Variants in RAB40A observed in about 807,000 individuals in gnomAD.
RAB40A encodes the protein RAB40A, member RAS oncogene family.
For synonymous variants in RAB40A, 65 were observed against 99.9 expected, an observed-to-expected ratio of 0.65 and a Z score of 2.08; for missense variants, 145 against 230.2, an observed-to-expected ratio of 0.63 and a Z score of 2.40.
chrX:103,512,835 A>G (rs1479014303), intron 2 of RAB40A, among the ~76,000 whole-genome samples: 2 of 112,319 alleles, frequency 1.8e-5, no homozygotes, highest in Non-Finnish European at 3.8e-5. Context: ...CATGCATAAT[A>G]AAATTTTAAG....
chrX:103,518,962 G>A (rs775469049), intron 1 of RAB40A, among the ~76,000 whole-genome samples: 6 of 111,444 alleles, frequency 5.4e-5, no homozygotes, highest in Admixed American at 2.9e-4. Flanking sequence ...ATCCTTAGAC[G>A]CTGCAGAAAA....
chrX:103,503,011 T>C, intron 2 of RAB40A: 9 of 761,631 alleles, frequency 1.2e-5, no homozygotes, highest in Non-Finnish European at 1.4e-5. Flanking sequence ...CAGACATCCA[T>C]ATAAAGAAAG....
intron 2 of RAB40A, among the ~76,000 whole-genome samples, chrX:103,508,043 T>G (rs1337000811): frequency 8.9e-6 from 1 of 112,844 alleles, no homozygotes; most frequent in East Asian, 2.7e-4. Context: ...CAAGTATGTT[T>G]CACAAATCAG....
chrX:103,505,311 A>G (rs1181658355), intron 2 of RAB40A, among the ~76,000 whole-genome samples: 3 of 112,059 alleles, frequency 2.7e-5, no homozygotes, highest in East Asian at 2.8e-4. Context: ...TACTACATAC[A>G]GTTTTGTGCC....
At chrX:103,513,567 G>A (rs181674156) in intron 2 of RAB40A, among the ~76,000 whole-genome samples, 7 of 111,474 alleles carry the variant, frequency 6.3e-5, no homozygotes, top group African/African-American at 9.8e-5. Flanking sequence ...TAAACTAACC[G>A]AGGGATTTGG....
chrX:103,519,126 G>A (rs959570926), intron 1 of RAB40A, among the ~76,000 whole-genome samples: 2 of 111,611 alleles, frequency 1.8e-5, no homozygotes, highest in African/African-American at 3.3e-5. Context: ...TACCACATAT[G>A]AAGTACTTCT....
chrX:103,496,914 C>T (rs145066843), downstream of RAB40A, among the ~76,000 whole-genome samples: 1,774 of 112,053 alleles, frequency 0.016, 38 homozygotes, highest in African/African-American at 0.054. Flanking sequence ...CATTTTAACA[C>T]TCTTGATCTA....
chrX:103,503,210 G>T (rs367736506), intron 2 of RAB40A: 1 of 751,033 alleles, frequency 1.3e-6, no homozygotes, highest in Non-Finnish European at 1.6e-6. Flanking sequence ...AAACATATGC[G>T]CCAGGGCATG....
intron 2 of RAB40A, chrX:103,501,932 G>A (rs2073230554): frequency 8.1e-6 from 1 of 123,488 alleles, no homozygotes; most frequent in African/African-American, 3.2e-5. Context: ...ACACTTATCA[G>A]TTATAAATAC....
In RAB40A at chrX:103,509,309, CTCTCTCTCTCTG is replaced by C. The variant is rs1375143034; in HGVS notation, c.-71+8053_-71+8064del. Among the ~76,000 whole-genome samples, 74 of 97,083 alleles carry C rather than the reference CTCTCTCTCTCTG, an allele frequency of 7.6e-4. 2 individuals are homozygous for C. The East Asian group carries it at 0.019, about 25-fold the overall frequency. 84.3% of individuals were successfully genotyped at this position (97,083 alleles called of 115,157 possible). Reference sequence around the variant, plus strand: ...ACAGGATCTCTCTCTCTCTCTCTCTCTCTCTCTCTCTGTCTCTCTGTCTCTCTGTCTCTTCTT... The same window carrying C: ...ACAGGATCTCTCTCTCTCTCTCTCTCTCTCTCTGTCTCTCTGTCTCTTCTT... On this transcript the variant is annotated intron_variant, in intron 2 of 2. Transcript: ENST00000304236.
chrX:103,502,179 T>A (rs1338234263), intron 2 of RAB40A: 5 of 122,305 alleles, frequency 4.1e-5, no homozygotes, highest in Non-Finnish European at 9.4e-5. Context: ...TACTCATCAA[T>A]ACAGAACAAA....
chrX:103,504,671 G>A (rs1399403911), intron 2 of RAB40A, among the ~76,000 whole-genome samples: 13 of 110,912 alleles, frequency 1.2e-4, no homozygotes, highest in African/African-American at 4.3e-4. Context: ...ATAGGCATGC[G>A]CCACCACACC....
intron 2 of RAB40A, among the ~76,000 whole-genome samples, chrX:103,513,985 C>T (rs941263517): frequency 5.4e-5 from 6 of 111,498 alleles, no homozygotes; most frequent in African/African-American, 1.6e-4. Flanking sequence ...GAACACATCA[C>T]ATTTTTTTTA....
chrX:103,493,885 C>T, the RAB40A span, among the ~76,000 whole-genome samples: 1 of 112,407 alleles, frequency 8.9e-6, no homozygotes, highest in Admixed American at 9.5e-5. Flanking sequence ...AACAGTGCTG[C>T]AACAAACATG....
At chrX:103,498,987 G>C (rs1329548322), downstream of RAB40A, 11 of 111,619 alleles carry the variant, frequency 9.9e-5, no homozygotes, top group Non-Finnish European at 1.9e-4. Flanking sequence ...GCCAGCACAG[G>C]GGAAATGACT....
rs758172040 is a variant in RAB40A at position 103,514,848 on chromosome X, T to C, written c.-71+2526A>G. On this transcript the variant is annotated intron_variant, in intron 2 of 2. Coordinates refer to ENST00000304236, the MANE Select transcript of RAB40A (RefSeq NM_080879.3). ...AAATATAGTTATGTCCAGAAATAAA[T>C]ATATAATTAATCAAGTAATCCTATT... Among the ~76,000 whole-genome samples the C allele has an allele frequency of 2.7e-5, 3 of 112,119 alleles. No individual in the cohort carries two copies. In the East Asian group the frequency reaches 8.3e-4, roughly 31 times the overall value.
At position 103,500,121 on chromosome X, in the gene RAB40A, G is replaced by A. The variant is rs1471925818; in HGVS notation, c.636C>T (p.Leu212=). Residue 212 remains leucine (L), a synonymous_variant, in exon 3 of 3, where the codon CTC becomes CTT. Transcript: ENST00000304236. ...GGCTTCTTAAGGTACTGGGGAGCGG[G>A]AGCTTGTCCACCAGATGCACAGGTG... ...SCTPVHLVDK[L]PLPSTLRSHL... is the part of the protein sequence containing the mutation. 5 of 1,210,652 alleles carry A rather than the reference G, an allele frequency of 4.1e-6. No individual in the cohort carries two copies. The East Asian group carries it at 1.2e-4, about 29-fold the overall frequency.
chrX:103,505,874 ATTC>A (rs1243213094), intron 2 of RAB40A, among the ~76,000 whole-genome samples: 1 of 111,892 alleles, frequency 8.9e-6, no homozygotes, highest in African/African-American at 3.2e-5. Context: ...GTTATAGGTT[ATTC>A]TTTTACTTTT....
chrX:103,511,693 G>A (rs1440326349), intron 2 of RAB40A, among the ~76,000 whole-genome samples: 6 of 108,202 alleles, frequency 5.5e-5, no homozygotes, highest in Non-Finnish European at 1.1e-4. Flanking sequence ...ACCGGGGCCT[G>A]TTAGGGGGTG....
Sources: allele counts gnomAD v4.1 joint callset (sites outside exome capture counted in the v4.1 genomes callset), GRCh38; gene constraint gnomAD v4.1.1; transcripts MANE v1.5; gene names NCBI Gene and HGNC (gene_info 2026-07-23, HGNC 2026-07-21).